The following ERBB4 variants were observed in gnomAD, a reference collection of about 807,000 sequenced individuals.
ERBB4 encodes the protein erb-b2 receptor tyrosine kinase 4.
ERBB4 carries 42 observed loss-of-function variants against 158.0 expected under a neutral mutation model. The observed-to-expected ratio is 0.27, with a 90% CI of 0.21 to 0.34. The LOEUF (loss-of-function observed/expected upper bound fraction) is 0.34. Among genes scored for constraint, ERBB4 ranks in the 10% least tolerant of loss-of-function variants. The pLI is 1.00. For missense variants in ERBB4, 1,333 were observed against 1,624.1 expected, an observed-to-expected ratio of 0.82 and a Z score of 3.08; for synonymous variants, 583 against 558.7, an observed-to-expected ratio of 1.04 and a Z score of -0.61.
intron 3 of ERBB4, among the ~76,000 whole-genome samples, chr2:211,815,012 G>C (rs961269644): frequency 1.3e-5 from 2 of 152,144 alleles, no homozygotes; most frequent in African/African-American, 4.8e-5. Context: ...TGTTTTTCCA[G>C]AGTAATTATA....
chr2:211,698,103 G>C (rs1376323948), intron 12 of ERBB4, among the ~76,000 whole-genome samples: 5 of 152,028 alleles, frequency 3.3e-5, no homozygotes. Flanking sequence ...GATCACCTGA[G>C]ATCAGGAGTT....
At chr2:212,350,872 C>T (rs1340215925) in intron 1 of ERBB4, among the ~76,000 whole-genome samples, 3 of 152,228 alleles carry the variant, frequency 2.0e-5, no homozygotes, top group East Asian at 3.9e-4. Flanking sequence ...TGCATTGACA[C>T]TGTGTTCTAA....
intron 3 of ERBB4, among the ~76,000 whole-genome samples, chr2:211,937,470 A>G (rs2080357718): frequency 6.6e-6 from 1 of 152,188 alleles, no homozygotes; most frequent in Non-Finnish European, 1.5e-5. Context: ...TTAAAGAAAT[A>G]GACTTTTTCT....
intron 1 of ERBB4, among the ~76,000 whole-genome samples, chr2:212,389,857 A>C (rs1052284851): frequency 7.9e-5 from 12 of 151,972 alleles, no homozygotes; most frequent in African/African-American, 2.7e-4. Flanking sequence ...AAGACAGGTG[A>C]AATTCAGCTG....
chr2:212,422,533 C>T (rs959279742), intron 1 of ERBB4, among the ~76,000 whole-genome samples: 19 of 142,832 alleles, frequency 1.3e-4, no homozygotes, highest in East Asian at 2.0e-4. Flanking sequence ...ACACACGAAG[C>T]GGGAAAAATT....
intron 3 of ERBB4, among the ~76,000 whole-genome samples, chr2:211,934,100 A>G (rs540884628): frequency 1.3e-5 from 2 of 152,148 alleles, no homozygotes; most frequent in South Asian, 4.1e-4. Context: ...GTAACCCCGA[A>G]TATGTTACTA....
At chr2:212,316,809 AC>A (rs1191957035) in intron 1 of ERBB4, among the ~76,000 whole-genome samples, 1 of 151,434 alleles carries the variant, frequency 6.6e-6, no homozygotes, top group Non-Finnish European at 1.5e-5. Flanking sequence ...TGACATGTAC[AC>A]TCTAAACAGG....
chr2:212,110,768 G>T (rs1315856740), intron 2 of ERBB4, among the ~76,000 whole-genome samples: 1 of 152,202 alleles, frequency 6.6e-6, no homozygotes, highest in South Asian at 2.1e-4. Flanking sequence ...CTCTTCAGGG[G>T]ACTACATTTC....
intron 4 of ERBB4, among the ~76,000 whole-genome samples, chr2:211,765,723 A>G (rs999201641): frequency 2.0e-5 from 3 of 152,220 alleles, no homozygotes; most frequent in Non-Finnish European, 2.9e-5. Context: ...TATGCATTTC[A>G]ATGAAATTTA....
At chr2:211,913,929 T>C (rs2079612440) in intron 3 of ERBB4, among the ~76,000 whole-genome samples, 1 of 148,608 alleles carries the variant, frequency 6.7e-6, no homozygotes, top group Non-Finnish European at 1.5e-5. Flanking sequence ...TTTAACAAGA[T>C]AAGATGTCAA....
chr2:212,221,345 C>T (rs1426149520), intron 1 of ERBB4, among the ~76,000 whole-genome samples: 6 of 151,454 alleles, frequency 4.0e-5, no homozygotes, highest in Non-Finnish European at 5.9e-5. Context: ...CAAGGATGTT[C>T]TTGTTAAAAT....
chr2:212,031,956 G>A (rs1219007642), intron 2 of ERBB4, among the ~76,000 whole-genome samples: 2 of 152,058 alleles, frequency 1.3e-5, no homozygotes, highest in African/African-American at 2.4e-5. Context: ...AGTTAAGAAG[G>A]AGCCTGCAGG....
intron 2 of ERBB4, among the ~76,000 whole-genome samples, chr2:212,066,126 C>T (rs1197991115): frequency 6.6e-6 from 1 of 151,768 alleles, no homozygotes; most frequent in Non-Finnish European, 1.5e-5. Flanking sequence ...ATTACTCATT[C>T]GATTAGGCCT....
At chr2:211,610,119 G>A (rs548663705) in intron 19 of ERBB4, among the ~76,000 whole-genome samples, 79 of 151,928 alleles carry the variant, frequency 5.2e-4, no homozygotes, top group African/African-American at 1.8e-3. Context: ...AAAAGATGAA[G>A]AGAATTTTTA....
chr2:211,793,711 C>T (rs896438394), intron 3 of ERBB4, among the ~76,000 whole-genome samples: 1 of 151,830 alleles, frequency 6.6e-6, no homozygotes, highest in East Asian at 1.9e-4. Flanking sequence ...GGACTTGGTC[C>T]AGAGATTCCT....
At chr2:212,222,820 T>C (rs1574465783) in intron 1 of ERBB4, among the ~76,000 whole-genome samples, 1 of 151,594 alleles carries the variant, frequency 6.6e-6, no homozygotes, top group East Asian at 1.9e-4. Flanking sequence ...ACCCCATACA[T>C]ACCAGACTGT....
intron 3 of ERBB4, among the ~76,000 whole-genome samples, chr2:211,897,719 T>C (rs540826253): frequency 1.3e-5 from 2 of 152,004 alleles, no homozygotes; most frequent in Non-Finnish European, 2.9e-5. Flanking sequence ...AGATTCTGTT[T>C]GCTTTTAATT....
intron 1 of ERBB4, among the ~76,000 whole-genome samples, chr2:212,171,433 G>A (rs2081515625): frequency 1.3e-5 from 2 of 151,972 alleles, no homozygotes; most frequent in African/African-American, 4.8e-5. Flanking sequence ...TAAGACTCCA[G>A]GGGACTCTTT....
chr2:211,507,742 G>A (rs1365223585), intron 20 of ERBB4, among the ~76,000 whole-genome samples: 2 of 152,024 alleles, frequency 1.3e-5, no homozygotes, highest in African/African-American at 2.4e-5. Flanking sequence ...TATACTATAA[G>A]GCTACAGTAA....
Sources: allele counts gnomAD v4.1 joint callset (sites outside exome capture counted in the v4.1 genomes callset), GRCh38; gene constraint gnomAD v4.1.1; transcripts MANE v1.5; gene names NCBI Gene and HGNC (gene_info 2026-07-23, HGNC 2026-07-21).